MAP3K8: variants seen among roughly 807,000 people sequenced by gnomAD.
The protein encoded by MAP3K8 is mitogen-activated protein kinase kinase kinase 8.
In MAP3K8, 22 loss-of-function variants were observed where a neutral mutation model predicts 45.8. The observed-to-expected ratio is 0.48, with a 90% CI of 0.34 to 0.69. The LOEUF (loss-of-function observed/expected upper bound fraction) is 0.69, where lower values mean the gene tolerates loss of function less well. Ranked by LOEUF, MAP3K8 falls within the 30% of genes least tolerant of loss-of-function variation. The pLI, the probability that MAP3K8 is intolerant of heterozygous loss-of-function variation, is 0.01. For synonymous variants in MAP3K8, 223 were observed against 214.3 expected, an observed-to-expected ratio of 1.04 and a Z score of -0.36; for missense variants, 419 against 585.0, an observed-to-expected ratio of 0.72 and a Z score of 2.93.
At chr10:30,444,596 A>G (rs533157441) in intron 3 of MAP3K8, among the ~76,000 whole-genome samples, 1 of 152,360 alleles carries the variant, frequency 6.6e-6, no homozygotes, top group Admixed American at 6.5e-5. Context: ...CATCATGAAA[A>G]GAGCCTAGGA....
intron 7 of MAP3K8, 48 bp from the exon 8 acceptor site, chr10:30,459,206 AG>A (rs1377519594): frequency 6.2e-7 from 1 of 1,608,228 alleles, no homozygotes; most frequent in African/African-American, 1.3e-5. Flanking sequence ...TTTGCTGTTG[AG>A]GGTGTATCAC....
At chr10:30,458,654 C>T (rs557416460) in intron 7 of MAP3K8, among the ~76,000 whole-genome samples, 17 of 152,190 alleles carry the variant, frequency 1.1e-4, no homozygotes, top group Non-Finnish European at 1.9e-4. Flanking sequence ...AATTCAGGAG[C>T]AGACACTTCC....
chr10:30,437,055 G>A (rs1345587704), intron 1 of MAP3K8, 121 bp from the exon 2 acceptor site: 4 of 354,400 alleles, frequency 1.1e-5, no homozygotes, highest in Non-Finnish European at 1.2e-5. Context: ...CCTCGAAGAT[G>A]TACAAGATCT....
intron 2 of MAP3K8, 78 bp from the exon 3 acceptor site, chr10:30,438,838 C>G: frequency 1.3e-6 from 1 of 754,488 alleles, no homozygotes; most frequent in Non-Finnish European, 2.1e-6. Context: ...TGTTGCCAAT[C>G]CTTGTATGTC....
rs987909564 is a variant in MAP3K8, at chr10:30,459,407, G to A, written c.1179G>A (p.Glu393=). 16 of 1,614,146 alleles carry A rather than the reference G, an allele frequency of 9.9e-6. No individual in the cohort carries two copies. The highest frequency in any genetic ancestry group is 1.2e-5 in the Non-Finnish European group (14 of 1,180,012). The change falls in exon 8 of 9, where the codon GAG becomes GAA. Residue 393 remains glutamate (E), a synonymous_variant. Transcript: ENST00000263056. ...ATGAGGCCCTGAACCCGCCCAGAGA[G>A]GATCAGCCACGCTGTCAGAGTCTGG... ...LKHEALNPPR[E]DQPRCQSLDS... is the part of the protein sequence containing the mutation.
intron 3 of MAP3K8, 128 bp from the exon 4 acceptor site, chr10:30,447,654 A>G: frequency 1.3e-6 from 1 of 753,530 alleles, no homozygotes; most frequent in Non-Finnish European, 2.3e-6. Context: ...AGGATTAAGC[A>G]CAGTGACATT....
chr10:30,440,097 T>A (rs1354401068), intron 3 of MAP3K8, among the ~76,000 whole-genome samples: 1 of 152,260 alleles, frequency 6.6e-6, no homozygotes, highest in East Asian at 1.9e-4. Flanking sequence ...ATTTGCTTAA[T>A]CATCGCAAGT....
Position 30,459,597 on chromosome 10 carries a change from A to G in MAP3K8, c.1273+96A>G, listed in dbSNP as rs1836863375. 4 of 1,413,960 alleles carry G rather than the reference A, an allele frequency of 2.8e-6. No individual in the cohort carries two copies. The East Asian group carries it at 9.2e-5, about 33-fold the overall frequency. The allele number at this position is 1,413,960 out of a possible 1,614,324, so 87.6% of individuals were successfully genotyped here. A position where few individuals can be genotyped will look rare whatever the true frequency, so the allele number is the denominator to read the frequency against. On this transcript the variant is annotated intron_variant, in intron 8 of 8. Coordinates refer to ENST00000263056, the MANE Select transcript of MAP3K8 (RefSeq NM_005204.4). ...AGTTCATGAAAGCACTTGGAAAAAA[A>G]GGAAATGACTTCTTGAGTACCATAC...
At position 30,461,198 on chromosome 10, in the gene MAP3K8, T is replaced by C. The variant is rs1836928699; in HGVS notation, c.*362T>C. 1 of 244,810 alleles carries C rather than the reference T, an allele frequency of 4.1e-6. No individual in the cohort carries two copies. Among genetic ancestry groups the C allele is most frequent in the South Asian group, 1.5e-4 (1 of 6,766 alleles). The allele number at this position is 244,810 out of a possible 1,614,324, so 15.2% of individuals were successfully genotyped here. A position where few individuals can be genotyped will look rare whatever the true frequency, so the allele number is the denominator to read the frequency against. ...CTAAAATTACTATTCTTGGTTCTTA[T>C]TTAAGTATGGAATATTCATTTTACT... On this transcript the variant is annotated 3_prime_UTR_variant, in exon 9 of 9. Transcript: ENST00000263056.
Position 30,461,266 on chromosome 10 carries a change from CTT to C in MAP3K8, c.*432_*433del, listed in dbSNP as rs143503665. On this transcript the variant is annotated 3_prime_UTR_variant, in exon 9 of 9. Coordinates refer to ENST00000263056, the MANE Select transcript of MAP3K8 (RefSeq NM_005204.4). ...GTATATTGGTGTATATTATATAACT[CTT>C]TGAGCCTTTATTGGTAAATTCTGGT... The C allele has an allele frequency of 0.033, 7,392 of 220,860 alleles. 485 individuals carry two copies. Among genetic ancestry groups the C allele is most frequent in the African/African-American group, 0.14 (6,396 of 44,674 alleles). 13.7% of individuals were successfully genotyped at this position (220,860 alleles called of 1,614,324 possible).
chr10:30,461,417 TG>T lies in MAP3K8; in HGVS notation c.*582del, dbSNP rs1836935470. On this transcript the variant is annotated 3_prime_UTR_variant, in exon 9 of 9. Transcript: ENST00000263056. ...AAGCCATCTGACAGCAGGCCACTAG[TG>T]ACAGTTTCTTTTGTGTTCCTATGGA... 4.9e-6 allele frequency: 1 copy of T among 203,464 alleles called. No homozygotes were observed. Among genetic ancestry groups the T allele is most frequent in the African/African-American group, 2.3e-5 (1 of 43,702 alleles). 12.6% of individuals were successfully genotyped at this position (203,464 alleles called of 1,614,324 possible).
At chr10:30,460,180 G>A (rs1836887241) in intron 8 of MAP3K8, among the ~76,000 whole-genome samples, 1 of 152,060 alleles carries the variant, frequency 6.6e-6, no homozygotes, top group African/African-American at 2.4e-5. Context: ...TCCTTGGTGG[G>A]GGAACATCAT....
At chr10:30,445,224 C>A (rs1460206014) in intron 3 of MAP3K8, among the ~76,000 whole-genome samples, 1 of 152,052 alleles carries the variant, frequency 6.6e-6, no homozygotes. Context: ...TGGTGAAACC[C>A]CATTTCTACT....
At chr10:30,458,321 C>T in intron 7 of MAP3K8, 85 bp downstream of exon 7, 4 of 892,088 alleles carry the variant, frequency 4.5e-6, no homozygotes, top group Non-Finnish European at 6.3e-6. Flanking sequence ...ACTGCTCTGC[C>T]TTCTATACCA....
In MAP3K8 at chr10:30,447,777, T is replaced by G. The variant is rs1443479396; in HGVS notation, c.337-5T>G. The G allele has an allele frequency of 2.4e-5, 38 of 1,612,906 alleles. No individual in the cohort carries two copies. Among genetic ancestry groups the G allele is most frequent in the Non-Finnish European group, 3.2e-5 (38 of 1,179,312 alleles). ...TCACCGTCTCACATTTTTATTTTGT[T>G]GTAGGTCATCACTCCCCAAAATGGA... On this transcript the variant is annotated splice_polypyrimidine_tract_variant and splice_region_variant and intron_variant, in intron 3 of 8. Coordinates refer to ENST00000263056, the MANE Select transcript of MAP3K8 (RefSeq NM_005204.4).
At chr10:30,447,653 C>A in intron 3 of MAP3K8, 129 bp from the exon 4 acceptor site, 2 of 749,444 alleles carry the variant, frequency 2.7e-6, no homozygotes, top group Non-Finnish European at 4.7e-6. Context: ...TAGGATTAAG[C>A]ACAGTGACAT....
intron 6 of MAP3K8, among the ~76,000 whole-genome samples, chr10:30,452,360 T>C (rs1444162310): frequency 6.6e-6 from 1 of 151,840 alleles, no homozygotes; most frequent in Non-Finnish European, 1.5e-5. Flanking sequence ...TCCCAGCTAC[T>C]CGGGAGGCTG....
rs771091007 is a variant in MAP3K8, at chr10:30,438,933, AC to A, written c.-5del. On this transcript the variant is annotated 5_prime_UTR_variant, in exon 3 of 9. Transcript: ENST00000263056. The stretch of plus-strand genomic sequence containing the variant: ...TTTCCTAGACTCTCCAGAAAGAGCA[AC>A]AGTAATGGAGTACATGAGCACTGGA... 7 of 1,584,846 alleles carry A rather than the reference AC, an allele frequency of 4.4e-6. No homozygotes were observed. The Admixed American group carries it at 1.2e-4, about 28-fold the overall frequency.
At chr10:30,448,073 C>A (rs1356140052) in intron 4 of MAP3K8, 124 bp downstream of exon 4, 4 of 794,036 alleles carry the variant, frequency 5.0e-6, no homozygotes, top group Non-Finnish European at 7.9e-6. Context: ...GGGTGCACTG[C>A]CTCAAAGCAT....
Sources: gnomAD v4.1 joint callset for allele counts (sites outside exome capture counted in the v4.1 genomes callset) on GRCh38, gnomAD v4.1.1 for gene constraint, MANE v1.5 for transcripts, NCBI Gene and HGNC (gene_info 2026-07-23, HGNC 2026-07-21) for gene names.